Variants in KDM7A observed in about 807,000 individuals in gnomAD.
KDM7A encodes the protein lysine-specific demethylase 7A.
A neutral mutation model predicts 114.8 loss-of-function variants in KDM7A; 28 were observed. That is an observed-to-expected ratio of 0.24 (90% CI 0.18 to 0.33). The LOEUF is 0.33. Ranked by LOEUF, KDM7A falls within the 10% of genes least tolerant of loss-of-function variation. The probability of loss-of-function intolerance (pLI) is 1.00; values close to 1 mark genes in which losing one functional copy is unlikely to be tolerated. For synonymous variants in KDM7A, 423 were observed against 397.8 expected (o/e 1.06, Z -0.75); for missense variants, 942 against 1,142.5 (o/e 0.82, Z 2.53).
chr7:140,091,492 C>G (rs1453714180), intron 19 of KDM7A, among the ~76,000 whole-genome samples: 2 of 152,196 alleles, frequency 1.3e-5, no homozygotes, highest in African/African-American at 4.8e-5. Flanking sequence ...ACCCCATATC[C>G]TGCTTCTCCC....
At chr7:140,100,717 T>TATATATATATATATATACAC (rs1818203321) in intron 12 of KDM7A, among the ~76,000 whole-genome samples, 11 of 53,278 alleles carry the variant, frequency 2.1e-4, no homozygotes, top group Non-Finnish European at 3.1e-4. Flanking sequence ...TACACATATA[T>TATATATATATATATATACAC]ATATATATAT....
intron 1 of KDM7A, among the ~76,000 whole-genome samples, chr7:140,165,948 C>T (rs1334576388): frequency 2.0e-5 from 3 of 152,180 alleles, no homozygotes; most frequent in Non-Finnish European, 4.4e-5. Context: ...TTTGCTGCTG[C>T]ACCTTAAACT....
intron 1 of KDM7A, among the ~76,000 whole-genome samples, chr7:140,164,987 T>A (rs1794558468): frequency 6.6e-6 from 1 of 152,206 alleles, no homozygotes; most frequent in South Asian, 2.1e-4. Context: ...GTGACTGATT[T>A]CCACCAACAA....
At chr7:140,174,886 A>T (rs1052188859) in intron 1 of KDM7A, among the ~76,000 whole-genome samples, 2 of 152,238 alleles carry the variant, frequency 1.3e-5, no homozygotes, top group Admixed American at 6.5e-5. Flanking sequence ...AAGTGCTGGG[A>T]TTACAGGCGT....
At chr7:140,123,867 T>A (rs1205551042) in intron 7 of KDM7A, among the ~76,000 whole-genome samples, 2 of 151,938 alleles carry the variant, frequency 1.3e-5, no homozygotes, top group Non-Finnish European at 2.9e-5. Flanking sequence ...GTCAGGAGAT[T>A]GAGACCATCC....
chr7:140,170,597 G>T (rs1460917690), intron 1 of KDM7A, among the ~76,000 whole-genome samples: 2 of 152,196 alleles, frequency 1.3e-5, no homozygotes, highest in Non-Finnish European at 1.5e-5. Context: ...GTAAAATGGG[G>T]ATGATAATAA....
At position 140,176,610 on chromosome 7, in the gene KDM7A, C is replaced by T. The variant is rs1562964035; in HGVS notation, c.194+134G>A. The T allele has an allele frequency of 1.7e-6, 1 of 579,790 alleles. No homozygotes were observed. Among genetic ancestry groups the T allele is most frequent in the Non-Finnish European group, 2.2e-6 (1 of 460,426 alleles). The allele number at this position is 579,790 out of a possible 1,614,324, so 35.9% of individuals were successfully genotyped here. Reference sequence around the variant, plus strand: ...CGCGCCCCACTGCCCGGCCGGGGGGCTAGGCACCGGGGCCCCCTGAAAGCT... The same window carrying T: ...CGCGCCCCACTGCCCGGCCGGGGGGTTAGGCACCGGGGCCCCCTGAAAGCT... On this transcript the variant is annotated intron_variant, in intron 1 of 19. Coordinates refer to ENST00000397560, the MANE Select transcript of KDM7A (RefSeq NM_030647.2). The surrounding 1 kb of genome is among the most constrained non-coding windows in gnomAD (Gnocchi z 4.4).
chr7:140,168,588 T>C (rs1408179473), intron 1 of KDM7A, among the ~76,000 whole-genome samples: 3 of 147,384 alleles, frequency 2.0e-5, no homozygotes, highest in South Asian at 2.1e-4. Flanking sequence ...AAAAACTGGA[T>C]GTAGGAGGCA....
intron 2 of KDM7A, among the ~76,000 whole-genome samples, chr7:140,134,886 T>C (rs1278350155): frequency 1.3e-5 from 2 of 152,052 alleles, no homozygotes; most frequent in Non-Finnish European, 2.9e-5. Context: ...ATCACAGTAA[T>C]ACAACAACAT....
At chr7:140,095,495 A>G (rs1271685679) in intron 17 of KDM7A, 1 of 158,538 alleles carries the variant, frequency 6.3e-6, no homozygotes, top group African/African-American at 2.4e-5. Context: ...AGTTACATGA[A>G]GTACAGACAA....
chr7:140,094,321 A>T lies in KDM7A; in HGVS notation c.2375-183T>A, dbSNP rs530181665. On this transcript the variant is annotated intron_variant, in intron 17 of 19. Transcript: ENST00000397560. ...GGAGTTCGAGACCAGCCTGGCCAAC[A>T]TGGTGAAACCCCGTCTCTATTAAAA... Among the ~76,000 whole-genome samples the T allele has an allele frequency of 4.6e-5, 7 of 152,360 alleles. No homozygotes were observed. In the East Asian group the frequency reaches 1.2e-3, roughly 25 times the overall value.
intron 2 of KDM7A, among the ~76,000 whole-genome samples, chr7:140,134,180 C>T (rs1045710845): frequency 6.6e-6 from 1 of 152,160 alleles, no homozygotes; most frequent in African/African-American, 2.4e-5. Flanking sequence ...TAAAGAAAGA[C>T]GGGTAGCATG....
At chr7:140,091,656 G>T in intron 19 of KDM7A, 148 bp downstream of exon 19, 15 of 854,224 alleles carry the variant, frequency 1.8e-5, no homozygotes, top group South Asian at 1.5e-4. Context: ...CTTTGTTCCT[G>T]TAGTAGCCTG....
chr7:140,095,020 G>A (rs1818083037), intron 17 of KDM7A, among the ~76,000 whole-genome samples: 1 of 152,154 alleles, frequency 6.6e-6, no homozygotes, highest in East Asian at 1.9e-4. Context: ...GCTAATTTTT[G>A]TATTTTTACT....
intron 9 of KDM7A, among the ~76,000 whole-genome samples, chr7:140,115,668 G>C (rs1185279310): frequency 6.6e-6 from 1 of 151,742 alleles, no homozygotes; most frequent in African/African-American, 2.4e-5. Context: ...GAAGGCCGCA[G>C]GGTCCTCTGC....
At position 140,087,031 on chromosome 7, in the gene KDM7A, GA is replaced by G. The variant is rs1343937320; in HGVS notation, c.*4062del. On this transcript the variant is annotated 3_prime_UTR_variant, in exon 20 of 20. Transcript: ENST00000397560. ...CAGAGAGCATCTTTTGAAAAAGGCA[GA>G]AAGAATCTTGTCTGTTGAAGATGTC... 6.6e-6 allele frequency: 1 copy of G among 152,212 alleles called. No individual in the cohort carries two copies. Among genetic ancestry groups the G allele is most frequent in the African/African-American group, 2.4e-5 (1 of 41,452 alleles). The allele number at this position is 152,212 out of a possible 1,614,324, so 9.4% of individuals were successfully genotyped here.
intron 11 of KDM7A, among the ~76,000 whole-genome samples, chr7:140,102,601 G>C (rs1275109140): frequency 2.0e-5 from 3 of 152,120 alleles, no homozygotes; most frequent in Admixed American, 6.6e-5. Context: ...TTGAACTCCT[G>C]AGCTCAGGGG....
At chr7:140,116,734 T>TCTTC (rs1818537221) in intron 9 of KDM7A, among the ~76,000 whole-genome samples, 1 of 118,664 alleles carries the variant, frequency 8.4e-6, no homozygotes, top group African/African-American at 3.2e-5. Flanking sequence ...AACAAAAATG[T>TCTTC]CTTGAGTTTT....
Position 140,102,120 on chromosome 7 carries a change from A to G in KDM7A, c.1469T>C (p.Ile490Thr). 1.9e-6 allele frequency: 3 copies of G among 1,614,062 alleles called. No homozygotes were observed. Among genetic ancestry groups the G allele is most frequent in the Non-Finnish European group, 2.5e-6 (3 of 1,179,922 alleles). The stretch of plus-strand genomic sequence containing the variant: ...TGAGGATCGTGAAACTGGACACACA[A>G]TAGGAATTCCCTGAGATTTAACTGG... ...GKPVKSQGIP[I>T]VCPVSRSSNE... Residue 490 changes from isoleucine to threonine, a missense_variant, in exon 12 of 20, where the codon ATT (isoleucine) becomes ACT (threonine). Transcript: ENST00000397560.
Sources: allele counts gnomAD v4.1 joint callset (sites outside exome capture counted in the v4.1 genomes callset), GRCh38; gene constraint gnomAD v4.1.1; non-coding constraint Gnocchi (gnomAD v3.1); transcripts MANE v1.5; gene names NCBI Gene and HGNC (gene_info 2026-07-23, HGNC 2026-07-21).